The following PCYT1A variants were observed in gnomAD, a reference collection of about 807,000 sequenced individuals.
PCYT1A encodes choline-phosphate cytidylyltransferase A.
In PCYT1A, 25 loss-of-function variants were observed where a neutral mutation model predicts 43.7. That is an observed-to-expected ratio of 0.57 (90% CI 0.42 to 0.80). PCYT1A has a LOEUF of 0.80. Ranked by LOEUF, PCYT1A falls within the 30% of genes least tolerant of loss-of-function variation. The pLI is 0.00. For missense variants in PCYT1A, 421 were observed against 474.2 expected (o/e 0.89, Z 1.04); for synonymous variants, 172 against 170.7 (o/e 1.01, Z -0.06).
chr3:196,239,463 G>A, intron 8 of PCYT1A, 84 bp downstream of exon 8: 4 of 840,234 alleles, frequency 4.8e-6, no homozygotes, highest in Non-Finnish European at 7.8e-6. Context: ...ACTTCTCAGT[G>A]TCGATGCCCC....
chr3:196,284,944 AG>A (rs1725865496), intron 1 of PCYT1A, among the ~76,000 whole-genome samples: 1 of 152,250 alleles, frequency 6.6e-6, no homozygotes, highest in Non-Finnish European at 1.5e-5. Context: ...CTAATGTGCT[AG>A]AAAAAGGTGT....
At chr3:196,248,350 C>CA (rs1560165321) in intron 3 of PCYT1A, 27 bp from the exon 4 acceptor site, 2 of 1,287,476 alleles carry the variant, frequency 1.6e-6, no homozygotes, top group East Asian at 2.3e-5. Context: ...GAATTGATCA[C>CA]AAAAATACCT....
Position 196,239,719 on chromosome 3 carries a change from A to G in PCYT1A, c.725T>C (p.Leu242Ser). The G allele has an allele frequency of 6.2e-7, 1 of 1,605,746 alleles. No homozygotes were observed. The highest frequency in any genetic ancestry group is 8.5e-7 in the Non-Finnish European group (1 of 1,172,458). The change falls in exon 8 of 9, where the codon TTG (leucine) becomes TCG (serine). Residue 242 changes from leucine (L) to serine (S), a missense_variant. Around this residue, in one of 3 missense-constraint regions of PCYT1A, gnomAD observed 174 missense variants for 270.7 expected, o/e 0.64. Coordinates refer to ENST00000431016, the MANE Select transcript of PCYT1A (RefSeq NM_001312673.2). ...VSFINEKKYH[L>S]QERVDKVKKK... ...CTTTACTTTGTCAACCCTCTCCTGC[A>G]AGTGGTATTTCTTCTCCTAGATAAA... is the stretch of plus-strand genomic sequence containing the variant.
At position 196,238,599 on chromosome 3, in the gene PCYT1A, T is replaced by G; in HGVS notation, c.*89A>C. On this transcript the variant is annotated 3_prime_UTR_variant, in exon 9 of 9. Coordinates refer to ENST00000431016, the MANE Select transcript of PCYT1A (RefSeq NM_001312673.2). ...CTTTCCTTTGTAGCTGTCCTTAGGT[T>G]TAGTGTTGGGGTCACAATTTGGAAT... 1.1e-6 allele frequency: 1 copy of G among 884,484 alleles called. No homozygotes were observed. The highest frequency in any genetic ancestry group is 1.7e-6 in the Non-Finnish European group (1 of 593,840). 54.8% of individuals were successfully genotyped at this position (884,484 alleles called of 1,614,324 possible).
intron 1 of PCYT1A, among the ~76,000 whole-genome samples, chr3:196,286,224 G>A (rs895501165): frequency 2.6e-5 from 4 of 151,870 alleles, no homozygotes; most frequent in Non-Finnish European, 5.9e-5. Context: ...CACCACACCC[G>A]CCCAGTGTCC....
In PCYT1A at chr3:196,257,642, A is replaced by G. The variant is rs1241408321; in HGVS notation, c.217+146T>C. Reference sequence around the variant, plus strand: ...GTGGAGTTACCCTTCTAAATAGAACATCAAGACAGGTGAGAAGAACCCCTT... The same window carrying G: ...GTGGAGTTACCCTTCTAAATAGAACGTCAAGACAGGTGAGAAGAACCCCTT... On this transcript the variant is annotated intron_variant, in intron 3 of 8. Transcript: ENST00000431016. 5 of 564,892 alleles carry G rather than the reference A, an allele frequency of 8.9e-6. No homozygotes were observed. In the Admixed American group the frequency reaches 9.1e-5, roughly 10 times the overall value. The allele number at this position is 564,892 out of a possible 1,614,324, so 35.0% of individuals were successfully genotyped here. A position where few individuals can be genotyped will look rare whatever the true frequency, so the allele number is the denominator to read the frequency against.
At chr3:196,257,258 T>A (rs1046742003) in intron 3 of PCYT1A, among the ~76,000 whole-genome samples, 2 of 152,334 alleles carry the variant, frequency 1.3e-5, no homozygotes, top group East Asian at 3.9e-4. Flanking sequence ...AAATTAAGCA[T>A]GCAAATAAAG....
At chr3:196,253,336 C>CAAAAAAAAAAAAAAAA (rs60342446) in intron 3 of PCYT1A, among the ~76,000 whole-genome samples, 4 of 105,986 alleles carry the variant, frequency 3.8e-5, no homozygotes, top group Admixed American at 1.1e-4. Context: ...GACTCTGTCT[C>CAAAAAAAAAAAAAAAA]AAAAAAAAAA....
In PCYT1A at chr3:196,242,662, T is replaced by G; in HGVS notation, c.487-22A>C. On this transcript the variant is annotated intron_variant, in intron 5 of 8. Transcript: ENST00000431016. This position sits in a 1 kb window ranked among gnomAD's most constrained non-coding sequence, Gnocchi z 4.2. ...CAATCTGAAAATAAGGAAACATCATTAAAACCCATGATAACTGCCATTCAG... is the reference window on the plus strand; with the variant it reads ...CAATCTGAAAATAAGGAAACATCATGAAAACCCATGATAACTGCCATTCAG... 6.6e-7 allele frequency: 1 copy of G among 1,508,128 alleles called. No individual in the cohort carries two copies. Among genetic ancestry groups the G allele is most frequent in the Non-Finnish European group, 9.2e-7 (1 of 1,083,554 alleles). 93.4% of individuals were successfully genotyped at this position (1,508,128 alleles called of 1,614,324 possible). A position where few individuals can be genotyped will look rare whatever the true frequency, so the allele number is the denominator to read the frequency against.
intron 2 of PCYT1A, among the ~76,000 whole-genome samples, chr3:196,263,058 G>T (rs999833709): frequency 6.6e-6 from 1 of 152,132 alleles, no homozygotes; most frequent in Non-Finnish European, 1.5e-5. Context: ...CTCCCAAAGT[G>T]CTGGGATTAC....
chr3:196,239,873 ACT>A lies in PCYT1A; in HGVS notation c.709-140_709-139del, dbSNP rs1724298296. 4.7e-6 allele frequency: 3 copies of A among 633,744 alleles called. No individual in the cohort carries two copies. In the South Asian group the frequency reaches 5.7e-5, roughly 12 times the overall value. 39.3% of individuals were successfully genotyped at this position (633,744 alleles called of 1,614,324 possible). On this transcript the variant is annotated intron_variant, in intron 7 of 8. Coordinates refer to ENST00000431016, the MANE Select transcript of PCYT1A (RefSeq NM_001312673.2). ...ATTTTGCTTTGCTTTAATCTACCCCACTCTCAGCATAATAACAGATAAGATAT... is the reference window on the plus strand; with the variant it reads ...ATTTTGCTTTGCTTTAATCTACCCCACTCAGCATAATAACAGATAAGATAT...
chr3:196,278,460 G>A (rs1306323329), intron 1 of PCYT1A, among the ~76,000 whole-genome samples: 2 of 152,110 alleles, frequency 1.3e-5, no homozygotes, highest in African/African-American at 4.8e-5. Context: ...TTTGTCCAGC[G>A]GGCAATGGGA....
intron 7 of PCYT1A, 77 bp from the exon 8 acceptor site, chr3:196,239,812 G>T: frequency 5.3e-6 from 5 of 937,550 alleles, no homozygotes; most frequent in Non-Finnish European, 6.7e-6. Flanking sequence ...AAAAAACATG[G>T]CTCAAGCACT....
At position 196,247,429 on chromosome 3, in the gene PCYT1A, C is replaced by T. The variant is rs1398190721; in HGVS notation, c.424G>A (p.Val142Met). The change falls in exon 5 of 9, where the codon GTG (valine) becomes ATG (methionine). Residue 142 changes from valine to methionine, a missense_variant. Around this residue, in one of 3 missense-constraint regions of PCYT1A, gnomAD observed 174 missense variants for 270.7 expected, o/e 0.64. Coordinates refer to ENST00000431016, the MANE Select transcript of PCYT1A (RefSeq NM_001312673.2). This position sits in a 1 kb window ranked among gnomAD's most constrained non-coding sequence, Gnocchi z 4.8. ...GGCGCATTCCTCACCACCTCATCCA[C>T]GTAGCGGCAGTGCTGGACTGCGTCA... ...RYDAVQHCRY[V>M]DEVVRNAPWT... is the part of the protein sequence containing the mutation. 2 of 1,614,196 alleles carry T rather than the reference C, an allele frequency of 1.2e-6. No homozygotes were observed. The highest frequency in any genetic ancestry group is 1.7e-6 in the Non-Finnish European group (2 of 1,180,008).
At chr3:196,281,117 G>A (rs1725760262) in intron 1 of PCYT1A, among the ~76,000 whole-genome samples, 1 of 152,164 alleles carries the variant, frequency 6.6e-6, no homozygotes, top group South Asian at 2.1e-4. Context: ...GCATATCAAT[G>A]CCCAGTTCCA....
At chr3:196,266,639 C>T (rs141302181) in intron 2 of PCYT1A, among the ~76,000 whole-genome samples, 1 of 152,230 alleles carries the variant, frequency 6.6e-6, no homozygotes, top group Non-Finnish European at 1.5e-5. Context: ...CCTGTAATCC[C>T]AGCACTTCGG....
intron 2 of PCYT1A, among the ~76,000 whole-genome samples, chr3:196,262,038 AC>A (rs1725127034): frequency 6.6e-6 from 1 of 152,110 alleles, no homozygotes; most frequent in Non-Finnish European, 1.5e-5. Context: ...TTTTTAAAAC[AC>A]TGTGTTATTC....
intron 2 of PCYT1A, among the ~76,000 whole-genome samples, chr3:196,262,392 T>C (rs1428446771): frequency 6.6e-6 from 1 of 152,268 alleles, no homozygotes; most frequent in African/African-American, 2.4e-5. Context: ...ATTAGCATAA[T>C]GTTTCACAAA....
chr3:196,244,323 GCGCCTCCTCCC>G (rs1450608849), intron 5 of PCYT1A, among the ~76,000 whole-genome samples: 2 of 147,608 alleles, frequency 1.4e-5, no homozygotes, highest in Non-Finnish European at 3.0e-5. Flanking sequence ...GAAGTGAGGA[GCGCCTCCTCCC>G]CGCCGCCATC....
Sources: allele counts gnomAD v4.1 joint callset (sites outside exome capture counted in the v4.1 genomes callset), GRCh38; gene constraint gnomAD v4.1.1; regional missense constraint gnomAD v4.1.1; non-coding constraint Gnocchi (gnomAD v3.1); transcripts MANE v1.5; gene names NCBI Gene and HGNC (gene_info 2026-07-23, HGNC 2026-07-21).